Variants in ZFP69B observed in about 807,000 individuals in gnomAD.
The protein encoded by ZFP69B is zinc finger protein 69 homolog B.
In ZFP69B, 20 loss-of-function variants were observed where a neutral mutation model predicts 19.7. That is an observed-to-expected ratio of 1.02 (90% CI 0.71 to 1.48). ZFP69B has a LOEUF of 1.48. Among genes scored for constraint, ZFP69B ranks in the 40% most tolerant of loss-of-function variants. The pLI is 0.00. For synonymous variants in ZFP69B, 220 were observed against 222.7 expected, an observed-to-expected ratio of 0.99 and a Z score of 0.11; for missense variants, 583 against 632.6, an observed-to-expected ratio of 0.92 and a Z score of 0.84.
Position 40,463,694 on chromosome 1 carries a change from AT to A in ZFP69B, c.*107del. 9.1e-7 allele frequency: 1 copy of A among 1,103,548 alleles called. No individual in the cohort carries two copies. The highest frequency in any genetic ancestry group is 1.3e-6 in the Non-Finnish European group (1 of 789,844). The allele number at this position is 1,103,548 out of a possible 1,614,324, so 68.4% of individuals were successfully genotyped here. On this transcript the variant is annotated 3_prime_UTR_variant, in exon 5 of 5. Coordinates refer to ENST00000361584, the MANE Select transcript of ZFP69B (RefSeq NM_023070.3). Reference sequence around the variant, plus strand: ...TGTTTTTGGATTTCCAAAAACGAACATTAAAAAAAAATGGTTTGGCACAATG... The same window carrying A: ...TGTTTTTGGATTTCCAAAAACGAACATAAAAAAAAATGGTTTGGCACAATG...
rs765960499 is a variant in ZFP69B at position 40,463,576 on chromosome 1, G to A, written c.1592G>A (p.Ser531Asn). 6.2e-7 allele frequency: 1 copy of A among 1,604,148 alleles called. No individual in the cohort carries two copies. The highest frequency in any genetic ancestry group is 8.5e-7 in the Non-Finnish European group (1 of 1,175,062). Residue 531 changes from serine (S) to asparagine (N), a missense_variant, in exon 5 of 5, where the codon AGC becomes AAC. By Grantham distance (46) the Ser-to-Asn change is conservative. Transcript: ENST00000361584. Reference protein sequence around the residue: ...HCKTHLRNTFSNVV With the variant: ...HCKTHLRNTFNNVV ...AAAACACATTTAAGAAATACCTTCA[G>A]CAATGTTGTGTGAAATATACTAAAC...
intron 2 of ZFP69B, among the ~76,000 whole-genome samples, chr1:40,454,694 G>A (rs963312017): frequency 6.6e-6 from 1 of 152,196 alleles, no homozygotes; most frequent in Non-Finnish European, 1.5e-5. Flanking sequence ...ACCACGCCCA[G>A]CCGATTGGCT....
At chr1:40,451,110 G>A in intron 1 of ZFP69B, 22 bp downstream of exon 1, 1 of 1,505,690 alleles carries the variant, frequency 6.6e-7, no homozygotes, top group Non-Finnish European at 8.9e-7. Context: ...CTGATGGGTG[G>A]GAGGGAGGAA....
intron 4 of ZFP69B, among the ~76,000 whole-genome samples, chr1:40,459,164 C>A (rs535346031): frequency 5.9e-5 from 9 of 152,320 alleles, no homozygotes; most frequent in African/African-American, 2.2e-4. Context: ...GACTCTGCCA[C>A]AATTTCTGAG....
chr1:40,462,641 G>A lies in ZFP69B; in HGVS notation c.657G>A (p.Gln219=), dbSNP rs144187238. The A allele has an allele frequency of 2.7e-4, 430 of 1,614,094 alleles. 1 individual carries two copies. The African/African-American group carries it at 5.0e-3, about 19-fold the overall frequency. The change falls in exon 5 of 5, where the codon CAG becomes CAA. Residue 219 remains glutamine, a synonymous_variant. Transcript: ENST00000361584. ...IPLMCKKTFT[Q]ERGQESNRFE... Reference sequence around the variant, plus strand: ...TGATGTGCAAGAAAACATTCACTCAGGAGAGAGGCCAAGAGTCTAATAGAT... The same window carrying A: ...TGATGTGCAAGAAAACATTCACTCAAGAGAGAGGCCAAGAGTCTAATAGAT...
At chr1:40,458,551 G>T (rs1296401766) in intron 4 of ZFP69B, among the ~76,000 whole-genome samples, 3 of 146,434 alleles carry the variant, frequency 2.0e-5, no homozygotes, top group Admixed American at 6.9e-5. Context: ...GAGTCTTGCT[G>T]TGTCACCCAG....
chr1:40,461,111 A>T (rs996016622), intron 4 of ZFP69B, among the ~76,000 whole-genome samples: 5 of 146,282 alleles, frequency 3.4e-5, no homozygotes, highest in African/African-American at 1.3e-4. Context: ...GCCCCACTCC[A>T]CTCCAGCCTG....
intron 4 of ZFP69B, among the ~76,000 whole-genome samples, chr1:40,461,518 G>T (rs963470479): frequency 1.3e-5 from 2 of 152,084 alleles, no homozygotes; most frequent in Non-Finnish European, 2.9e-5. Flanking sequence ...CTTACACCCA[G>T]GCATGGTGGC....
At chr1:40,454,161 A>G in intron 1 of ZFP69B, 42 bp from the exon 2 acceptor site, 1 of 1,495,908 alleles carries the variant, frequency 6.7e-7, no homozygotes, top group Non-Finnish European at 9.0e-7. Context: ...TGTTTGGGTG[A>G]TTTGGGGAGA....
At chr1:40,451,997 T>G (rs1645191380) in intron 1 of ZFP69B, among the ~76,000 whole-genome samples, 1 of 152,136 alleles carries the variant, frequency 6.6e-6, no homozygotes, top group Non-Finnish European at 1.5e-5. Flanking sequence ...TGGTGGCACA[T>G]GCCTGTAATC....
At chr1:40,462,126 C>T (rs1271299674) in intron 4 of ZFP69B, among the ~76,000 whole-genome samples, 1 of 151,986 alleles carries the variant, frequency 6.6e-6, no homozygotes, top group Non-Finnish European at 1.5e-5. Flanking sequence ...CTTTATGTTG[C>T]CCAGGCTGGT....
chr1:40,458,472 A>G (rs1569980755), intron 4 of ZFP69B, among the ~76,000 whole-genome samples: 2 of 151,802 alleles, frequency 1.3e-5, no homozygotes, highest in East Asian at 3.9e-4. Flanking sequence ...CAGACAGAAT[A>G]TGAACTTATG....
At chr1:40,456,539 A>G (rs1400185941) in intron 2 of ZFP69B, among the ~76,000 whole-genome samples, 5 of 152,160 alleles carry the variant, frequency 3.3e-5, no homozygotes. Flanking sequence ...ACCTAGGTAA[A>G]CGTTATTTTA....
At position 40,450,965 on chromosome 1, in the gene ZFP69B, C is replaced by G; in HGVS notation, c.4C>G (p.Leu2Val). 1 of 1,548,194 alleles carries G rather than the reference C, an allele frequency of 6.5e-7. No individual in the cohort carries two copies. The highest frequency in any genetic ancestry group is 1.2e-5 in the South Asian group (1 of 83,714). The change falls in exon 1 of 5, where the codon CTG (leucine) becomes GTG (valine). Residue 2 changes from leucine to valine, a missense_variant. By Grantham distance (32) the Leu-to-Val change is conservative. Transcript: ENST00000361584. ...AGAAAGGAGTGCGGACGCCGTCATG[C>G]TGCAGCAGCTCCTGATCACCCTGCC... M[L>V]QQLLITLPTE...
intron 1 of ZFP69B, among the ~76,000 whole-genome samples, chr1:40,451,982 G>A (rs879327009): frequency 6.6e-6 from 1 of 151,964 alleles, no homozygotes; most frequent in Non-Finnish European, 1.5e-5. Context: ...AAAATTAGCT[G>A]GGCGTGGTGG....
In ZFP69B at chr1:40,457,060, T is replaced by G. The variant is rs766521550; in HGVS notation, c.329T>G (p.Leu110Arg). ...REVMLENYGN[L>R]VSVGCQLSKP... ...GTGATGCTGGAGAACTATGGGAACC[T>G]GGTCTCAGTGGGTAAGGATGGGCTC... The change falls in exon 3 of 5, where the codon CTG becomes CGG. Residue 110 changes from leucine (L) to arginine (R), a missense_variant. Physicochemically the swap from Leu to Arg is moderately radical, Grantham distance 102 (BLOSUM62 -2). Coordinates refer to ENST00000361584, the MANE Select transcript of ZFP69B (RefSeq NM_023070.3). 5 of 1,603,496 alleles carry G rather than the reference T, an allele frequency of 3.1e-6. No homozygotes were observed. In the Admixed American group the frequency reaches 5.2e-5, roughly 17 times the overall value.
intron 4 of ZFP69B, among the ~76,000 whole-genome samples, chr1:40,459,467 A>G (rs926757464): frequency 1.3e-5 from 2 of 152,262 alleles, no homozygotes; most frequent in East Asian, 3.9e-4. Flanking sequence ...ATCAGCAAGA[A>G]CATTAAGCAT....
Position 40,463,566 on chromosome 1 carries a change from A to T in ZFP69B, c.1582A>T (p.Asn528Tyr). The change falls in exon 5 of 5, where the codon AAT becomes TAT. Residue 528 changes from asparagine (N) to tyrosine (Y), a missense_variant. Coordinates refer to ENST00000361584, the MANE Select transcript of ZFP69B (RefSeq NM_023070.3). ...TAGACACTGCAAAACACATTTAAGA[A>T]ATACCTTCAGCAATGTTGTGTGAAA... is the stretch of plus-strand genomic sequence containing the variant. Reference protein sequence around the residue: ...LIRHCKTHLRNTFSNVV With the variant: ...LIRHCKTHLRYTFSNVV 6.2e-7 allele frequency: 1 copy of T among 1,609,682 alleles called. No individual in the cohort carries two copies. The highest frequency in any genetic ancestry group is 8.5e-7 in the Non-Finnish European group (1 of 1,177,706).
At chr1:40,450,261 G>C (rs1409821807), upstream of ZFP69B, 2 of 152,294 alleles carry the variant, frequency 1.3e-5, no homozygotes, top group Non-Finnish European at 2.9e-5. Context: ...CGCGCGCGGT[G>C]CTCTCCGCAG....
Sources: gnomAD v4.1 joint callset for allele counts (sites outside exome capture counted in the v4.1 genomes callset) on GRCh38, gnomAD v4.1.1 for gene constraint, MANE v1.5 for transcripts, NCBI Gene and HGNC (gene_info 2026-07-23, HGNC 2026-07-21) for gene names.